CCSER1: variants seen among roughly 807,000 people sequenced by gnomAD.
CCSER1 encodes the protein serine-rich coiled-coil domain-containing protein 1.
A neutral mutation model predicts 82.0 loss-of-function variants in CCSER1; 41 were observed. The ratio of observed to expected loss-of-function variants is 0.50; its 90% confidence interval spans 0.39 to 0.65. The LOEUF (loss-of-function observed/expected upper bound fraction) is 0.65. CCSER1 is among the 30% of genes least tolerant of loss of function. The pLI is 0.00. For synonymous variants in CCSER1, 414 were observed against 383.9 expected (o/e 1.08, Z -0.92); for missense variants, 1,119 against 1,064.2 (o/e 1.05, Z -0.72).
intron 6 of CCSER1, among the ~76,000 whole-genome samples, chr4:90,660,941 A>C (rs999054402): frequency 4.4e-5 from 6 of 135,992 alleles, no homozygotes; most frequent in African/African-American, 1.4e-4. Context: ...ATAAATTTTT[A>C]TAAGACACTT....
intron 9 of CCSER1, among the ~76,000 whole-genome samples, chr4:90,936,066 C>T (rs1435659977): frequency 2.6e-5 from 4 of 152,016 alleles, no homozygotes; most frequent in Non-Finnish European, 5.9e-5. Flanking sequence ...TCACTGCTAA[C>T]ATGAATATGA....
chr4:91,163,445 G>T (rs2148983227), intron 10 of CCSER1, among the ~76,000 whole-genome samples: 1 of 151,992 alleles, frequency 6.6e-6, no homozygotes, highest in East Asian at 1.9e-4. Flanking sequence ...TGTCTATTAG[G>T]TCTGCTTGGT....
At chr4:91,453,767 G>A (rs1411823789) in intron 10 of CCSER1, among the ~76,000 whole-genome samples, 4 of 151,964 alleles carry the variant, frequency 2.6e-5, no homozygotes, top group African/African-American at 9.7e-5. Flanking sequence ...ACTAGGCTTG[G>A]AAGAAACAGA....
chr4:90,466,779 G>A (rs549074780), intron 4 of CCSER1, among the ~76,000 whole-genome samples: 1 of 152,298 alleles, frequency 6.6e-6, no homozygotes, highest in African/African-American at 2.4e-5. Context: ...AGTACAGACA[G>A]TTCTGAGTTG....
chr4:90,376,734 T>C (rs1748377439), intron 3 of CCSER1, among the ~76,000 whole-genome samples: 1 of 152,154 alleles, frequency 6.6e-6, no homozygotes, highest in Admixed American at 6.6e-5. Flanking sequence ...TGACAGGTGA[T>C]GCAGTCATGG....
At chr4:91,094,540 G>A (rs763775747) in intron 10 of CCSER1, among the ~76,000 whole-genome samples, 3 of 152,158 alleles carry the variant, frequency 2.0e-5, no homozygotes, top group Non-Finnish European at 2.9e-5. Flanking sequence ...GGAGGGGGGT[G>A]TTCCATGGAG....
chr4:91,314,789 G>A (rs1473849247), intron 10 of CCSER1, among the ~76,000 whole-genome samples: 2 of 151,930 alleles, frequency 1.3e-5, no homozygotes, highest in Admixed American at 1.3e-4. Flanking sequence ...CATTGTAGGA[G>A]CAATAGCTAT....
intron 7 of CCSER1, among the ~76,000 whole-genome samples, chr4:90,768,509 A>G (rs7680499): frequency 0.18 from 27,882 of 152,176 alleles, 4,362 homozygotes; most frequent in African/African-American, 0.43. Context: ...TGCTGCTGTA[A>G]TAAGTCTAAA....
chr4:91,378,419 A>T (rs1323752674), intron 10 of CCSER1, among the ~76,000 whole-genome samples: 1 of 152,062 alleles, frequency 6.6e-6, no homozygotes. Flanking sequence ...GTCCTCTTTT[A>T]TTTCATTGAG....
At chr4:90,356,709 G>A (rs1295236390) in intron 3 of CCSER1, among the ~76,000 whole-genome samples, 1 of 151,710 alleles carries the variant, frequency 6.6e-6, no homozygotes, top group Non-Finnish European at 1.5e-5. Context: ...AATCGTTTAT[G>A]TATCCAATAC....
intron 10 of CCSER1, among the ~76,000 whole-genome samples, chr4:91,337,656 C>T (rs534590717): frequency 6.6e-6 from 1 of 152,170 alleles, no homozygotes; most frequent in Non-Finnish European, 1.5e-5. Flanking sequence ...TGAGCTCTAG[C>T]CAAGTGAACA....
chr4:90,180,484 G>A (rs924730938), intron 1 of CCSER1, among the ~76,000 whole-genome samples: 1 of 151,936 alleles, frequency 6.6e-6, no homozygotes, highest in Non-Finnish European at 1.5e-5. Flanking sequence ...AGCTACTCGG[G>A]AGGCTGAGGC....
chr4:91,418,261 A>G (rs1753485905), intron 10 of CCSER1, among the ~76,000 whole-genome samples: 1 of 151,274 alleles, frequency 6.6e-6, no homozygotes. Context: ...TAGAGACTAG[A>G]AAAACAATAT....
At chr4:90,992,550 C>G (rs915683543) in intron 9 of CCSER1, among the ~76,000 whole-genome samples, 1 of 151,928 alleles carries the variant, frequency 6.6e-6, no homozygotes, top group African/African-American at 2.4e-5. Context: ...TATCACAAGA[C>G]TGAGATCAAG....
chr4:90,287,240 G>T (rs557021975), intron 1 of CCSER1, among the ~76,000 whole-genome samples: 195 of 151,822 alleles, frequency 1.3e-3, no homozygotes, highest in African/African-American at 4.5e-3. Context: ...GCCAAAATCA[G>T]AAGCATTTAA....
At chr4:90,292,305 A>G (rs559742102) in intron 1 of CCSER1, among the ~76,000 whole-genome samples, 9 of 152,082 alleles carry the variant, frequency 5.9e-5, no homozygotes, top group Admixed American at 2.6e-4. Context: ...TCAGATATAT[A>G]TGAGTATATA....
chr4:90,331,991 C>A (rs887167711), intron 3 of CCSER1, among the ~76,000 whole-genome samples: 1 of 151,814 alleles, frequency 6.6e-6, no homozygotes, highest in African/African-American at 2.4e-5. Flanking sequence ...CCTTTTTCTG[C>A]CTCTTCTTAG....
chr4:90,611,443 T>A, intron 5 of CCSER1, among the ~76,000 whole-genome samples: 1 of 152,202 alleles, frequency 6.6e-6, no homozygotes, highest in East Asian at 1.9e-4. Flanking sequence ...ATAAGATCAG[T>A]TGGATTTATT....
intron 10 of CCSER1, among the ~76,000 whole-genome samples, chr4:91,148,436 G>T (rs564506963): frequency 6.6e-6 from 1 of 151,750 alleles, no homozygotes; most frequent in Non-Finnish European, 1.5e-5. Flanking sequence ...CATTTAATTA[G>T]TATTTCTTGA....
Sources: allele counts gnomAD v4.1 joint callset (sites outside exome capture counted in the v4.1 genomes callset), GRCh38; gene constraint gnomAD v4.1.1; transcripts MANE v1.5; gene names NCBI Gene and HGNC (gene_info 2026-07-23, HGNC 2026-07-21).